RAB27B: variants seen among roughly 807,000 people sequenced by gnomAD.
RAB27B encodes the protein RAB27B, member RAS oncogene family.
RAB27B carries 15 observed loss-of-function variants against 24.6 expected under a neutral mutation model. The observed-to-expected ratio is 0.61, with a 90% CI of 0.41 to 0.94. RAB27B has a LOEUF of 0.94. Among genes scored for constraint, RAB27B ranks in the 40% least tolerant of loss-of-function variants. RAB27B has a pLI of 0.00. For synonymous variants in RAB27B, 105 were observed against 92.5 expected (o/e 1.14, Z -0.78); for missense variants, 261 against 266.8 (o/e 0.98, Z 0.15).
chr18:54,854,664 C>T (rs1216399828), intron 1 of RAB27B, among the ~76,000 whole-genome samples: 4 of 152,230 alleles, frequency 2.6e-5, no homozygotes, highest in Non-Finnish European at 5.9e-5. Flanking sequence ...AGCAGACCTA[C>T]TTTCAGAGTC....
chr18:54,843,500 C>A (rs1006441947), intron 1 of RAB27B, among the ~76,000 whole-genome samples: 2 of 152,118 alleles, frequency 1.3e-5, no homozygotes, highest in African/African-American at 4.8e-5. Flanking sequence ...TGTTTCCTCT[C>A]CTGATTCTCC....
chr18:54,756,186 T>C (rs1219645352), intron 2 of RAB27B, among the ~76,000 whole-genome samples: 1 of 152,188 alleles, frequency 6.6e-6, no homozygotes, highest in Non-Finnish European at 1.5e-5. Flanking sequence ...ACCTCCATTG[T>C]ACAAAAATCA....
At chr18:54,861,488 A>G (rs1362519477) in intron 1 of RAB27B, among the ~76,000 whole-genome samples, 4 of 152,132 alleles carry the variant, frequency 2.6e-5, no homozygotes, top group Non-Finnish European at 4.4e-5. Context: ...AGCCCATTGA[A>G]TCAGGCGCCT....
At chr18:54,770,610 C>T (rs1428774376) in intron 2 of RAB27B, among the ~76,000 whole-genome samples, 1 of 151,982 alleles carries the variant, frequency 6.6e-6, no homozygotes, top group African/African-American at 2.4e-5. Flanking sequence ...CTTGAGTCAT[C>T]CCAAAACCAC....
intron 2 of RAB27B, among the ~76,000 whole-genome samples, chr18:54,805,202 G>A (rs904014206): frequency 6.6e-6 from 1 of 151,934 alleles, no homozygotes; most frequent in Non-Finnish European, 1.5e-5. Context: ...AGCTCTGGTT[G>A]GCATCACAGA....
chr18:54,733,650 G>GACC (rs1909794792), intron 2 of RAB27B, among the ~76,000 whole-genome samples: 1 of 92,240 alleles, frequency 1.1e-5, no homozygotes, highest in Non-Finnish European at 2.3e-5. Context: ...CTGTTCTAGA[G>GACC]CCCCCCCCCC....
At chr18:54,833,822 C>A (rs1210749189) in intron 1 of RAB27B, among the ~76,000 whole-genome samples, 1 of 152,050 alleles carries the variant, frequency 6.6e-6, no homozygotes, top group Non-Finnish European at 1.5e-5. Context: ...GAGCTTGGAG[C>A]GTTCAAGAAA....
intron 2 of RAB27B, among the ~76,000 whole-genome samples, chr18:54,809,419 C>G (rs1909894678): frequency 6.6e-6 from 1 of 152,168 alleles, no homozygotes; most frequent in Non-Finnish European, 1.5e-5. Context: ...CAGGGAGCAC[C>G]TAGTCCCAGG....
chr18:54,879,341 C>A, intron 2 of RAB27B, 28 bp from the exon 3 acceptor site: 1 of 1,565,626 alleles, frequency 6.4e-7, no homozygotes, highest in African/African-American at 1.4e-5. Context: ...CCAAAGCAAC[C>A]TCAACTAATG....
At chr18:54,860,292 A>G (rs971731380) in intron 1 of RAB27B, among the ~76,000 whole-genome samples, 3 of 152,142 alleles carry the variant, frequency 2.0e-5, no homozygotes, top group East Asian at 1.9e-4. Flanking sequence ...GTGGATTCCA[A>G]TGCCTGCCTC....
chr18:54,804,873 CTTT>C (rs1909722887), intron 2 of RAB27B, among the ~76,000 whole-genome samples: 1 of 137,968 alleles, frequency 7.2e-6, no homozygotes, highest in Non-Finnish European at 1.5e-5. Context: ...TTCTTTTTTT[CTTT>C]TTTCTTTCTT....
At chr18:54,865,907 G>A (rs1912200019) in intron 1 of RAB27B, among the ~76,000 whole-genome samples, 1 of 152,084 alleles carries the variant, frequency 6.6e-6, no homozygotes, top group South Asian at 2.1e-4. Flanking sequence ...TTTCAAAACT[G>A]GAATTTATAG....
intron 1 of RAB27B, among the ~76,000 whole-genome samples, chr18:54,875,702 A>G (rs1233903951): frequency 6.6e-6 from 1 of 152,316 alleles, no homozygotes; most frequent in African/African-American, 2.4e-5. Flanking sequence ...CATGAAAGAA[A>G]CATACATTCA....
intron 2 of RAB27B, among the ~76,000 whole-genome samples, chr18:54,740,162 A>G (rs1218896554): frequency 1.3e-5 from 2 of 152,210 alleles, no homozygotes; most frequent in Non-Finnish European, 2.9e-5. Context: ...CATGGCTACA[A>G]TTATTAAAAT....
At chr18:54,789,491 C>A (rs1331223035) in intron 2 of RAB27B, among the ~76,000 whole-genome samples, 1 of 151,926 alleles carries the variant, frequency 6.6e-6, no homozygotes, top group Non-Finnish European at 1.5e-5. Context: ...TATACAAATA[C>A]CATTTTGCTA....
At chr18:54,798,527 A>T (rs912674817) in intron 2 of RAB27B, among the ~76,000 whole-genome samples, 1 of 152,216 alleles carries the variant, frequency 6.6e-6, no homozygotes, top group Non-Finnish European at 1.5e-5. Flanking sequence ...AGAGTATTTG[A>T]GTCTCTTCAC....
chr18:54,763,414 G>C (rs1299047051), intron 2 of RAB27B, among the ~76,000 whole-genome samples: 1 of 152,054 alleles, frequency 6.6e-6, no homozygotes, highest in African/African-American at 2.4e-5. Context: ...GGGAGGGAGA[G>C]GCCATTTCAG....
chr18:54,813,717 C>T (rs538873817), intron 2 of RAB27B, among the ~76,000 whole-genome samples: 3 of 152,234 alleles, frequency 2.0e-5, no homozygotes, highest in South Asian at 2.1e-4. Context: ...CTCTGGTATT[C>T]GTTTACAGCA....
At chr18:54,733,224 C>A (rs1030146986) in intron 2 of RAB27B, among the ~76,000 whole-genome samples, 1 of 151,666 alleles carries the variant, frequency 6.6e-6, no homozygotes, top group Non-Finnish European at 1.5e-5. Flanking sequence ...TTTTAAAAAT[C>A]TTTTTTAGAG....
Sources: gnomAD v4.1 joint callset for allele counts (sites outside exome capture counted in the v4.1 genomes callset) on GRCh38, gnomAD v4.1.1 for gene constraint, MANE v1.5 for transcripts, NCBI Gene and HGNC (gene_info 2026-07-23, HGNC 2026-07-21) for gene names.